The following HOOK3 variants were observed in gnomAD, a reference collection of about 807,000 sequenced individuals.
HOOK3 encodes protein Hook homolog 3.
A neutral mutation model predicts 116.3 loss-of-function variants in HOOK3; 24 were observed. That is an observed-to-expected ratio of 0.21 (90% confidence interval 0.15 to 0.29). HOOK3 has a LOEUF of 0.29. Among genes scored for constraint, HOOK3 ranks in the 10% least tolerant of loss-of-function variants. HOOK3 has a pLI of 1.00. For missense variants in HOOK3, 632 were observed against 830.2 expected (o/e 0.76, Z 2.93); for synonymous variants, 275 against 283.0 (o/e 0.97, Z 0.28).
rs551815561 is a variant in HOOK3 at position 43,000,384 on chromosome 8, C to T, written c.1621-1723C>T. 3.8e-4 allele frequency: 217 copies of T among 570,876 alleles called. 1 individual carries two copies. Among genetic ancestry groups the T allele is most frequent in the African/African-American group, 2.2e-3 (111 of 51,234 alleles). 35.4% of individuals were successfully genotyped at this position (570,876 alleles called of 1,614,324 possible). A position where few individuals can be genotyped will look rare whatever the true frequency, so the allele number is the denominator to read the frequency against. On this transcript the variant is annotated intron_variant, in intron 16 of 21. Coordinates refer to ENST00000307602, the MANE Select transcript of HOOK3 (RefSeq NM_032410.4). ...TTTATTAAGGTAGTTTTGTGCAAAA[C>T]GAATATCTGGATTACTTGCCTCATA...
chr8:42,915,132 C>G (rs558928000), intron 2 of HOOK3, among the ~76,000 whole-genome samples: 4 of 152,152 alleles, frequency 2.6e-5, no homozygotes, highest in African/African-American at 9.7e-5. Flanking sequence ...GGACTTTGCT[C>G]CCTTCTAAAT....
At chr8:42,991,253 G>GAAT (rs1301666158) in intron 15 of HOOK3, among the ~76,000 whole-genome samples, 1 of 152,140 alleles carries the variant, frequency 6.6e-6, no homozygotes, top group African/African-American at 2.4e-5. Context: ...TTTTTGCTTA[G>GAAT]AATAGCTTTG....
intron 8 of HOOK3, among the ~76,000 whole-genome samples, chr8:42,960,729 G>A (rs1048452372): frequency 1.3e-5 from 2 of 152,122 alleles, no homozygotes; most frequent in Non-Finnish European, 2.9e-5. Context: ...TAAAGTGTCA[G>A]GCACTGGGAT....
intron 1 of HOOK3, among the ~76,000 whole-genome samples, chr8:42,900,964 G>A (rs993466856): frequency 1.3e-5 from 2 of 152,186 alleles, no homozygotes; most frequent in African/African-American, 4.8e-5. Flanking sequence ...GTGACATAGG[G>A]ACCACATTTT....
intron 15 of HOOK3, among the ~76,000 whole-genome samples, chr8:42,996,418 A>G (rs891416095): frequency 6.6e-6 from 1 of 151,912 alleles, no homozygotes; most frequent in Non-Finnish European, 1.5e-5. Flanking sequence ...AAGAAAAAGA[A>G]AAAAGAAAGT....
chr8:42,936,419 A>G (rs1051851884), intron 4 of HOOK3, among the ~76,000 whole-genome samples: 6 of 152,190 alleles, frequency 3.9e-5, no homozygotes, highest in African/African-American at 9.7e-5. Context: ...AGAACTTCCA[A>G]TACTATGTTG....
At chr8:42,983,393 A>T (rs900500681) in intron 14 of HOOK3, among the ~76,000 whole-genome samples, 2 of 152,046 alleles carry the variant, frequency 1.3e-5, no homozygotes, top group Non-Finnish European at 2.9e-5. Context: ...GAAAGATAAT[A>T]ATGCTATAGA....
chr8:42,922,310 G>C (rs990438005), intron 2 of HOOK3, among the ~76,000 whole-genome samples: 1 of 152,218 alleles, frequency 6.6e-6, no homozygotes, highest in South Asian at 2.1e-4. Flanking sequence ...GGGAGGCCAA[G>C]GCAGGAGAAT....
chr8:42,930,192 T>C lies in HOOK3; in HGVS notation c.267+20T>C. ...CATGAGGTAAAGACTTTTTTCTCAT[T>C]CTGCTTAGAAGTGTTACTATCGGAT... is the stretch of plus-strand genomic sequence containing the variant. On this transcript the variant is annotated intron_variant, in intron 4 of 21. Transcript: ENST00000307602. The C allele has an allele frequency of 6.6e-7, 1 of 1,520,202 alleles. No homozygotes were observed. Among genetic ancestry groups the C allele is most frequent in the Non-Finnish European group, 8.8e-7 (1 of 1,130,282 alleles). The allele number at this position is 1,520,202 out of a possible 1,614,324, so 94.2% of individuals were successfully genotyped here. A position where few individuals can be genotyped will look rare whatever the true frequency, so the allele number is the denominator to read the frequency against.
chr8:42,950,825 A>ACAG (rs1162558791), intron 6 of HOOK3, among the ~76,000 whole-genome samples: 1 of 151,966 alleles, frequency 6.6e-6, no homozygotes, highest in African/African-American at 2.4e-5. Flanking sequence ...AGCTGGGACT[A>ACAG]CAGGTGTGTG....
chr8:42,910,941 T>C (rs934349981), intron 2 of HOOK3, among the ~76,000 whole-genome samples: 3 of 152,246 alleles, frequency 2.0e-5, no homozygotes, highest in African/African-American at 7.2e-5. Context: ...ATGAACATTT[T>C]ACCTGACAAA....
intron 18 of HOOK3, 145 bp downstream of exon 18, chr8:43,008,074 A>T (rs553496456): frequency 5.6e-6 from 2 of 355,050 alleles, no homozygotes; most frequent in African/African-American, 4.3e-5. Flanking sequence ...GCTGGAGTGC[A>T]GTGGTGCGAT....
intron 7 of HOOK3, among the ~76,000 whole-genome samples, chr8:42,958,193 GTACATCTCATGCAA>G (rs1411999699): frequency 6.6e-6 from 1 of 152,112 alleles, no homozygotes; most frequent in Non-Finnish European, 1.5e-5. Context: ...AAGCTATTTT[GTACATCTCATGCAA>G]TACATGAATA....
At chr8:42,996,814 T>C (rs2130466833) in intron 15 of HOOK3, among the ~76,000 whole-genome samples, 1 of 152,190 alleles carries the variant, frequency 6.6e-6, no homozygotes, top group South Asian at 2.1e-4. Flanking sequence ...ATGTACTACT[T>C]TGAAGTTTTT....
At chr8:42,900,337 G>A (rs1348394616) in intron 1 of HOOK3, among the ~76,000 whole-genome samples, 1 of 152,050 alleles carries the variant, frequency 6.6e-6, no homozygotes, top group Non-Finnish European at 1.5e-5. Flanking sequence ...TGTGAATCTC[G>A]ATGAAAAGAT....
intron 1 of HOOK3, among the ~76,000 whole-genome samples, chr8:42,900,430 C>T (rs550379038): frequency 2.0e-5 from 3 of 152,270 alleles, no homozygotes; most frequent in Non-Finnish European, 2.9e-5. Context: ...CACATAGGCT[C>T]GGTACACTTT....
intron 15 of HOOK3, among the ~76,000 whole-genome samples, chr8:42,992,710 CAAAAA>C (rs35064772): frequency 1.8e-5 from 1 of 56,592 alleles, no homozygotes; most frequent in Non-Finnish European, 3.7e-5. Flanking sequence ...GACTCCATCT[CAAAAA>C]AAAAAAAAAA....
chr8:42,973,533 G>A (rs1228490547), intron 12 of HOOK3, 134 bp downstream of exon 12: 2 of 592,726 alleles, frequency 3.4e-6, no homozygotes, highest in Non-Finnish European at 5.6e-6. Flanking sequence ...TTAAGCTGTA[G>A]GAGAATTCCA....
At chr8:42,964,156 G>T (rs1316798645) in intron 8 of HOOK3, among the ~76,000 whole-genome samples, 155 bp from the exon 9 acceptor site, 1 of 152,280 alleles carries the variant, frequency 6.6e-6, no homozygotes, top group East Asian at 1.9e-4. Context: ...TCAGTGAGCC[G>T]AGATTGCGCC....
Sources: allele counts gnomAD v4.1 joint callset (sites outside exome capture counted in the v4.1 genomes callset), GRCh38; gene constraint gnomAD v4.1.1; transcripts MANE v1.5; gene names NCBI Gene and HGNC (gene_info 2026-07-23, HGNC 2026-07-21).